The following CIMIP2C variants were observed in gnomAD, a reference collection of about 807,000 sequenced individuals.
The protein encoded by CIMIP2C is UPF0573 protein C2orf70.
the CIMIP2C span, among the ~76,000 whole-genome samples, chr2:26,570,919 G>T: frequency 6.6e-6 from 1 of 152,190 alleles, no homozygotes; most frequent in Non-Finnish European, 1.5e-5. Flanking sequence ...GGCCTAAGCA[G>T]GACTTAGGGA....
chr2:26,578,718 G>A, the CIMIP2C span: 171,384 of 470,476 alleles, frequency 0.36, 34,158 homozygotes, highest in Admixed American at 0.49. Context: ...GCCAGGATCT[G>A]CCCCCCATCC....
chr2:26,570,760 G>C, the CIMIP2C span, among the ~76,000 whole-genome samples: 17 of 152,224 alleles, frequency 1.1e-4, no homozygotes, highest in African/African-American at 4.1e-4. Context: ...GGCGAGAGGA[G>C]GGATGGCTCT....
At chr2:26,565,574 C>G in the CIMIP2C span, among the ~76,000 whole-genome samples, 4 of 152,102 alleles carry the variant, frequency 2.6e-5, no homozygotes, top group Non-Finnish European at 5.9e-5. Flanking sequence ...GGAATGGGGT[C>G]GACAGTAAGA....
At chr2:26,562,589 GCTCGCTGTA>G in the CIMIP2C span, 1 of 1,558,248 alleles carries the variant, frequency 6.4e-7, no homozygotes, top group Non-Finnish European at 8.7e-7. Flanking sequence ...GGAGCGCCAG[GCTCGCTGTA>G]CTCGCGCACC....
At chr2:26,567,578 C>T in the CIMIP2C span, among the ~76,000 whole-genome samples, 1 of 152,186 alleles carries the variant, frequency 6.6e-6, no homozygotes, top group Non-Finnish European at 1.5e-5. Flanking sequence ...GAGGTCAGGC[C>T]AGGCTTGGGA....
the CIMIP2C span, among the ~76,000 whole-genome samples, chr2:26,570,560 G>A: frequency 6.6e-6 from 1 of 152,214 alleles, no homozygotes; most frequent in Non-Finnish European, 1.5e-5. Flanking sequence ...TACAGGGTGT[G>A]CAGTCAGGGG....
the CIMIP2C span, chr2:26,576,051 C>T: frequency 6.2e-7 from 1 of 1,614,236 alleles, no homozygotes; most frequent in South Asian, 1.1e-5. Context: ...ACCATCTTCT[C>T]CACCAACCCC....
the CIMIP2C span, among the ~76,000 whole-genome samples, chr2:26,565,184 G>T: frequency 6.6e-6 from 1 of 151,742 alleles, no homozygotes; most frequent in Non-Finnish European, 1.5e-5. Context: ...CTGCCTCCTG[G>T]GTTCAAGCAA....
the CIMIP2C span, among the ~76,000 whole-genome samples, chr2:26,568,206 C>G: frequency 6.6e-6 from 1 of 152,222 alleles, no homozygotes; most frequent in African/African-American, 2.4e-5. Context: ...TTGGCCCTGT[C>G]CCCACAGGGA....
At chr2:26,579,248 C>T in the CIMIP2C span, 1 of 1,600,118 alleles carries the variant, frequency 6.2e-7, no homozygotes. Context: ...GCACCACCTT[C>T]CTTCCCTGGC....
At chr2:26,579,463 G>C in the CIMIP2C span, 1 of 1,607,762 alleles carries the variant, frequency 6.2e-7, no homozygotes, top group Non-Finnish European at 8.5e-7. Context: ...AGCAGAGCCT[G>C]ATGCCTGAGA....
At chr2:26,578,254 T>C in the CIMIP2C span, 2 of 158,462 alleles carry the variant, frequency 1.3e-5, no homozygotes, top group African/African-American at 4.8e-5. Flanking sequence ...GATCATTGGC[T>C]CACACGAGGT....
At chr2:26,578,542 C>T in the CIMIP2C span, 7 of 282,106 alleles carry the variant, frequency 2.5e-5, no homozygotes, top group Admixed American at 1.4e-4. Context: ...ACTTGTGCTG[C>T]GTGGCCTGGA....
chr2:26,578,546 G>T, the CIMIP2C span: 2,189 of 294,288 alleles, frequency 7.4e-3, 31 homozygotes, highest in African/African-American at 0.03. Flanking sequence ...GTGCTGCGTG[G>T]CCTGGATGGT....
the CIMIP2C span, chr2:26,578,636 G>A: frequency 1.7e-5 from 7 of 400,912 alleles, no homozygotes; most frequent in Admixed American, 1.9e-4. Flanking sequence ...TCTTGGAATG[G>A]CTCTGAGCCA....
the CIMIP2C span, among the ~76,000 whole-genome samples, chr2:26,573,592 A>C: frequency 1.4e-4 from 21 of 152,358 alleles, no homozygotes; most frequent in African/African-American, 4.8e-4. Context: ...ACACAGCCTC[A>C]CAGGAGAGAG....
chr2:26,565,029 T>TCTTCTCCTTCTC, the CIMIP2C span, among the ~76,000 whole-genome samples: 11 of 150,752 alleles, frequency 7.3e-5, no homozygotes, highest in African/African-American at 2.7e-4. Flanking sequence ...TTCTTCTTCT[T>TCTTCTCCTTCTC]CTTCTCCTTC....
At chr2:26,563,907 C>T in the CIMIP2C span, among the ~76,000 whole-genome samples, 1 of 152,182 alleles carries the variant, frequency 6.6e-6, no homozygotes, top group African/African-American at 2.4e-5. Context: ...TTGGAGGGAG[C>T]TCAAAAGCTA....
At chr2:26,565,107 T>A in the CIMIP2C span, among the ~76,000 whole-genome samples, 5 of 151,800 alleles carry the variant, frequency 3.3e-5, no homozygotes, top group Non-Finnish European at 7.4e-5. Context: ...TTCTTCTTTT[T>A]TTAATGGAGT....
Sources: gnomAD v4.1 joint callset for allele counts (sites outside exome capture counted in the v4.1 genomes callset) on GRCh38, gnomAD v4.1.1 for gene constraint, MANE v1.5 for transcripts, NCBI Gene and HGNC (gene_info 2026-07-23, HGNC 2026-07-21) for gene names.